Variants in CR1 observed in about 807,000 individuals in gnomAD.
CR1 encodes complement receptor type 1.
CR1 carries 116 observed loss-of-function variants against 187.3 expected under a neutral mutation model. The ratio of observed to expected loss-of-function variants is 0.62; its 90% confidence interval spans 0.53 to 0.72. CR1 has a LOEUF of 0.72. Among genes scored for constraint, CR1 ranks in the 30% least tolerant of loss-of-function variants. CR1 has a pLI of 0.00. For synonymous variants in CR1, 576 were observed against 747.1 expected (o/e 0.77, Z 3.73); for missense variants, 1,731 against 2,110.7 (o/e 0.82, Z 3.52).
chr1:207,616,682 C>G lies in CR1; in HGVS notation c.6769C>G (p.Pro2257Ala). 1 of 1,613,960 alleles carries G rather than the reference C, an allele frequency of 6.2e-7. No homozygotes were observed. The highest frequency in any genetic ancestry group is 8.5e-7 in the Non-Finnish European group (1 of 1,179,890). Residue 2257 changes from proline (P) to alanine (A), a missense_variant, in exon 41 of 47, where the codon CCA becomes GCA. This residue lies in a region of CR1 where 1,312 missense variants were observed against 1,379.6 expected (regional missense o/e 0.95). Coordinates refer to ENST00000367049, the MANE Select transcript of CR1 (RefSeq NM_000651.6). ...AATATCTTACGCATGCGACACCCAC[C>G]CAGACAGAGGGATGACCTTCAACCT... is the stretch of plus-strand genomic sequence containing the variant. ...KEISYACDTH[P>A]DRGMTFNLIG...
At chr1:207,616,405 T>C (rs577641118) in intron 40 of CR1, among the ~76,000 whole-genome samples, 170 bp from the exon 41 acceptor site, 1 of 152,362 alleles carries the variant, frequency 6.6e-6, no homozygotes, top group African/African-American at 2.4e-5. Context: ...TAGGTCTCAC[T>C]TCAGTTAGTT....
At chr1:207,521,503 C>A (rs868745782) in intron 4 of CR1, among the ~76,000 whole-genome samples, 1 of 151,552 alleles carries the variant, frequency 6.6e-6, no homozygotes, top group Non-Finnish European at 1.5e-5. Flanking sequence ...TCCTAGCTTC[C>A]GGTTCATTGA....
rs760282783 is a variant in CR1, at chr1:207,609,316, A to G, written c.5923A>G (p.Ile1975Val). The change falls in exon 37 of 47, where the codon ATA becomes GTA. Residue 1975 changes from isoleucine to valine, a missense_variant. Coordinates refer to ENST00000367049, the MANE Select transcript of CR1 (RefSeq NM_000651.6). ...CATATCTTGTGAGCCACCTCCAACC[A>G]TATCCAATGGAGACTTCTACAGCAA... ...EIISCEPPPT[I>V]SNGDFYSNNR... 8 of 1,613,686 alleles carry G rather than the reference A, an allele frequency of 5.0e-6. No individual in the cohort carries two copies. Among genetic ancestry groups the G allele is most frequent in the Middle Eastern group, 1.6e-4 (1 of 6,062 alleles).
At chr1:207,603,210 TACCCACCTCTCAGTGTCTGGTAACC>T (rs1661654752) in intron 35 of CR1, among the ~76,000 whole-genome samples, 1 of 152,142 alleles carries the variant, frequency 6.6e-6, no homozygotes, top group South Asian at 2.1e-4. Flanking sequence ...GTGGGTTTGA[TACCCACCTCTCAGTGTCTGGTAACC>T]ACCTTTCTAC....
intron 29 of CR1, among the ~76,000 whole-genome samples, chr1:207,579,476 A>G (rs1660870183): frequency 1.3e-5 from 2 of 152,190 alleles, no homozygotes; most frequent in South Asian, 2.1e-4. Flanking sequence ...GACAGGATGA[A>G]GTGAAAAAAC....
chr1:207,526,418 A>T (rs1257893627), intron 5 of CR1, among the ~76,000 whole-genome samples: 1 of 150,532 alleles, frequency 6.6e-6, no homozygotes, highest in Non-Finnish European at 1.5e-5. Flanking sequence ...AGATACGAAA[A>T]TCCATCATTC....
chr1:207,519,241 TTTG>T (rs1341085118), intron 4 of CR1, among the ~76,000 whole-genome samples: 3 of 151,994 alleles, frequency 2.0e-5, no homozygotes. Flanking sequence ...ATAGTAAGGT[TTTG>T]TTGTTTTATT....
intron 35 of CR1, among the ~76,000 whole-genome samples, chr1:207,602,917 C>A (rs1661645765): frequency 6.6e-6 from 1 of 151,798 alleles, no homozygotes; most frequent in South Asian, 2.1e-4. Context: ...ACAAAATCAT[C>A]TAGAAAGAAA....
At chr1:207,609,139 GT>G (rs1475576694) in intron 36 of CR1, 150 bp from the exon 37 acceptor site, 4 of 830,382 alleles carry the variant, frequency 4.8e-6, no homozygotes, top group Non-Finnish European at 7.0e-6. Flanking sequence ...AGGTAAAAAT[GT>G]CTGATTATTA....
At position 207,632,683 on chromosome 1, in the gene CR1, A is replaced by G. The variant is rs1406906930; in HGVS notation, c.7457+2062A>G. Among the ~76,000 whole-genome samples the G allele has an allele frequency of 3.3e-5, 5 of 151,540 alleles. No homozygotes were observed. The East Asian group carries it at 9.7e-4, about 29-fold the overall frequency. On this transcript the variant is annotated intron_variant, in intron 46 of 46. Transcript: ENST00000367049. ...CGTGGTGGTGGGCGCCTGTAGTCCCAGCTACTCGGGAGGCTGAGGCAGGAG... is the reference window on the plus strand; with the variant it reads ...CGTGGTGGTGGGCGCCTGTAGTCCCGGCTACTCGGGAGGCTGAGGCAGGAG...
intron 46 of CR1, among the ~76,000 whole-genome samples, chr1:207,633,459 C>G (rs1453434155): frequency 6.6e-6 from 1 of 152,128 alleles, no homozygotes; most frequent in African/African-American, 2.4e-5. Context: ...TACCAAATGA[C>G]AAACATTTCT....
chr1:207,577,790 C>T lies in CR1; in HGVS notation c.4538-15C>T, dbSNP rs1414466237. The T allele has an allele frequency of 6.2e-7, 1 of 1,613,538 alleles. No individual in the cohort carries two copies. The highest frequency in any genetic ancestry group is 8.5e-7 in the Non-Finnish European group (1 of 1,179,740). ...CCAAGGTTTTGTTTTGGTTAACTTGCTGTCTCTTTTCCAGGAATTCCTTGT... is the reference window on the plus strand; with the variant it reads ...CCAAGGTTTTGTTTTGGTTAACTTGTTGTCTCTTTTCCAGGAATTCCTTGT... On this transcript the variant is annotated splice_polypyrimidine_tract_variant and intron_variant, in intron 28 of 46. Transcript: ENST00000367049.
At chr1:207,620,638 A>T (rs1662288386) in intron 43 of CR1, among the ~76,000 whole-genome samples, 1 of 152,078 alleles carries the variant, frequency 6.6e-6, no homozygotes, top group African/African-American at 2.4e-5. Context: ...ATCTCTTATG[A>T]CTCTTCTAAT....
intron 46 of CR1, among the ~76,000 whole-genome samples, chr1:207,633,756 C>T (rs932635325): frequency 1.3e-5 from 2 of 152,182 alleles, no homozygotes; most frequent in Non-Finnish European, 2.9e-5. Flanking sequence ...ATTTTTCATG[C>T]ACGTCCCTGT....
rs576213946 is a variant in CR1, at chr1:207,634,230, C to T, written c.7457+3609C>T. Among the ~76,000 whole-genome samples the T allele has an allele frequency of 2.6e-5, 4 of 152,304 alleles. No individual in the cohort carries two copies. The East Asian group carries it at 7.7e-4, about 29-fold the overall frequency. On this transcript the variant is annotated intron_variant, in intron 46 of 46. Transcript: ENST00000367049. ...AATTTATGAAAATTTCATTTATCCT[C>T]AACTTTTTGGAAATACTCTTACATC...
chr1:207,581,756 C>T (rs921796127), intron 31 of CR1, among the ~76,000 whole-genome samples, 162 bp from the exon 32 acceptor site: 10 of 152,222 alleles, frequency 6.6e-5, no homozygotes, highest in Admixed American at 2.0e-4. Flanking sequence ...CTTCTGAGCC[C>T]GTCAATGAGA....
rs769231887 is a variant in CR1 at position 207,584,839 on chromosome 1, C to A, written c.5493C>A (p.Ser1831Arg). The A allele has an allele frequency of 6.2e-7, 1 of 1,613,964 alleles. No individual in the cohort carries two copies. The highest frequency in any genetic ancestry group is 1.7e-5 in the Admixed American group (1 of 60,024). Residue 1831 changes from serine to arginine, a missense_variant, in exon 33 of 47, where the codon AGC becomes AGA. Physicochemically the swap from Ser to Arg is moderately radical, Grantham distance 110. Coordinates refer to ENST00000367049, the MANE Select transcript of CR1 (RefSeq NM_000651.6). The stretch of plus-strand genomic sequence containing the variant: ...ACCCTCATGGGAATGGGGTTTGGAG[C>A]AGCCCTGCCCCTCGCTGTGAACTTT... ...TSDPHGNGVW[S>R]SPAPRCELSV...
intron 3 of CR1, among the ~76,000 whole-genome samples, chr1:207,510,093 G>C (rs1659565287): frequency 6.6e-6 from 1 of 152,126 alleles, no homozygotes; most frequent in Non-Finnish European, 1.5e-5. Context: ...TGTAGTCCCA[G>C]CAGCTAAGGA....
rs1179458153 is a variant in CR1 at position 207,496,272 on chromosome 1, G to T, written c.5G>T (p.Gly2Val). The T allele has an allele frequency of 2.5e-6, 4 of 1,613,736 alleles. No individual in the cohort carries two copies. Among genetic ancestry groups the T allele is most frequent in the Non-Finnish European group, 3.4e-6 (4 of 1,179,856 alleles). The change falls in exon 1 of 47, where the codon GGG becomes GTG. Residue 2 changes from glycine (G) to valine (V), a missense_variant. Gly to Val is a moderately radical substitution (Grantham distance 109). Transcript: ENST00000367049. Reference sequence around the variant, plus strand: ...TTGTAGATGTGCTTGGGGAGAATGGGGGCCTCTTCTCCAAGAAGCCCGGAG... The same window carrying T: ...TTGTAGATGTGCTTGGGGAGAATGGTGGCCTCTTCTCCAAGAAGCCCGGAG... The part of the protein sequence containing the change: M[G>V]ASSPRSPEPV...
Sources: allele counts gnomAD v4.1 joint callset (sites outside exome capture counted in the v4.1 genomes callset), GRCh38; gene constraint gnomAD v4.1.1; regional missense constraint gnomAD v4.1.1; transcripts MANE v1.5; gene names NCBI Gene and HGNC (gene_info 2026-07-23, HGNC 2026-07-21).